SLC49A3: variants seen among roughly 807,000 people sequenced by gnomAD.
SLC49A3 encodes the protein solute carrier family 49 member A3.
SLC49A3 carries 50 observed loss-of-function variants against 43.8 expected under a neutral mutation model. The ratio of observed to expected loss-of-function variants is 1.14; its 90% confidence interval spans 0.91 to 1.45. SLC49A3 has a LOEUF of 1.45. SLC49A3 is among the 40% of genes most tolerant of loss of function. The pLI is 0.00. For synonymous variants in SLC49A3, 413 were observed against 352.0 expected (o/e 1.17, Z -1.94); for missense variants, 906 against 774.1 (o/e 1.17, Z -2.02).
downstream of SLC49A3, chr4:678,225 GC>G: frequency 6.7e-7 from 1 of 1,496,234 alleles, no homozygotes; most frequent in East Asian, 2.5e-5. Flanking sequence ...TGTGGGCTGT[GC>G]TGTGTTGTGG....
chr4:678,391 G>A (rs545728379), downstream of SLC49A3: 138 of 1,415,012 alleles, frequency 9.8e-5, 2 homozygotes, highest in East Asian at 1.2e-3. Flanking sequence ...GCTGGACGGC[G>A]ATCCCTGACC....
downstream of SLC49A3, chr4:678,274 C>T (rs894795382): frequency 3.6e-5 from 53 of 1,456,888 alleles, 1 homozygote; most frequent in African/African-American, 2.7e-4. Flanking sequence ...GGTGAGAGTC[C>T]GGAGCAGGAT....
At chr4:681,192 G>C, downstream of SLC49A3, 1 of 1,565,228 alleles carries the variant, frequency 6.4e-7, no homozygotes, top group South Asian at 1.2e-5. Flanking sequence ...CGGGGCTCCC[G>C]GGGTCAGCTG....
At chr4:678,874 C>A (rs542598674), downstream of SLC49A3, 4 of 1,606,542 alleles carry the variant, frequency 2.5e-6, no homozygotes, top group East Asian at 8.9e-5. Flanking sequence ...TATCCTCAGT[C>A]AGGGGTGCTG....
Position 686,672 on chromosome 4 carries a change from G to GTGCAAAGCTGAGCCACAGC in SLC49A3, c.136-1_153dup (p.Pro52AlafsTer10). The GTGCAAAGCTGAGCCACAGC allele has an allele frequency of 6.2e-7, 1 of 1,612,982 alleles. No homozygotes were observed. Among genetic ancestry groups the GTGCAAAGCTGAGCCACAGC allele is most frequent in the Non-Finnish European group, 8.5e-7 (1 of 1,179,870 alleles). Reference sequence around the variant, plus strand: ...TCCTCAGCAATGACGTCAGCCACAGGTGCAAAGCTGAGCCACAGCTGCAGG... The same window carrying GTGCAAAGCTGAGCCACAGC: ...TCCTCAGCAATGACGTCAGCCACAGGTGCAAAGCTGAGCCACAGCTGCAAAGCTGAGCCACAGCTGCAGG... On this transcript the variant is annotated frameshift_variant, in exon 2 of 10. Coordinates refer to ENST00000322224, the MANE Select transcript of SLC49A3 (RefSeq NM_032219.4). LOFTEE classifies it high-confidence loss of function.
chr4:681,148 C>G (rs1432662971), downstream of SLC49A3: 1 of 1,602,238 alleles, frequency 6.2e-7, no homozygotes, highest in South Asian at 1.1e-5. Context: ...GAGGTCTGGC[C>G]CGCGGCTTCC....
At chr4:684,321 A>G (rs113587297) in intron 6 of SLC49A3, among the ~76,000 whole-genome samples, 162 bp downstream of exon 6, 3,470 of 152,256 alleles carry the variant, frequency 0.023, 143 homozygotes, top group African/African-American at 0.08. Context: ...GCCTGTGGAC[A>G]TAATGTCACA....
Position 684,386 on chromosome 4 carries a change from A to G in SLC49A3, c.840+97T>C. 5 of 1,523,568 alleles carry G rather than the reference A, an allele frequency of 3.3e-6. No individual in the cohort carries two copies. In the South Asian group the frequency reaches 3.7e-5, roughly 11 times the overall value. The allele number at this position is 1,523,568 out of a possible 1,614,324, so 94.4% of individuals were successfully genotyped here. ...GAAGGGTGTCAATGTGGCCCCCGCC[A>G]GGGTCGGACACTGGGCACCCTGGAG... On this transcript the variant is annotated intron_variant, in intron 6 of 9. Transcript: ENST00000322224.
At chr4:677,775 T>C (rs1251168843), downstream of SLC49A3, 4 of 605,724 alleles carry the variant, frequency 6.6e-6, no homozygotes, top group South Asian at 2.0e-5. Flanking sequence ...GACAGGTGGA[T>C]GGGAGGTAGT....
chr4:683,663 C>G lies in SLC49A3; in HGVS notation c.939G>C (p.Glu313Asp). The stretch of plus-strand genomic sequence containing the variant: ...ACAGGCACAGGCCAATCTTGGTGGC[C>G]TCAGTGAAGTGCTTGGTCCGGTCCA... ...PYVDRTKHFT[E>D]ATKIGLCLFS... The change falls in exon 7 of 10, where the codon GAG becomes GAC. Residue 313 changes from glutamate (E) to aspartate (D), a missense_variant. Coordinates refer to ENST00000322224, the MANE Select transcript of SLC49A3 (RefSeq NM_032219.4). 1.2e-6 allele frequency: 2 copies of G among 1,611,754 alleles called. No homozygotes were observed. Among genetic ancestry groups the G allele is most frequent in the Middle Eastern group, 1.7e-4 (1 of 6,056 alleles).
At chr4:689,224 G>T (rs1205658626), upstream of SLC49A3, 1 of 779,584 alleles carries the variant, frequency 1.3e-6, no homozygotes, top group East Asian at 4.0e-5. Flanking sequence ...CGGAGGTGGG[G>T]CCGGGCCGGG....
In SLC49A3 at chr4:684,375, T is replaced by C. The variant is rs548777261; in HGVS notation, c.840+108A>G. On this transcript the variant is annotated intron_variant, in intron 6 of 9. Transcript: ENST00000322224. ...CCCACAGCACAGAAGGGTGTCAATG[T>C]GGCCCCCGCCAGGGTCGGACACTGG... 411 of 1,466,640 alleles carry C rather than the reference T, an allele frequency of 2.8e-4. 2 individuals carry two copies. The highest frequency in any genetic ancestry group is 6.9e-5 in the Non-Finnish European group (75 of 1,082,154). 90.9% of individuals were successfully genotyped at this position (1,466,640 alleles called of 1,614,324 possible). A position where few individuals can be genotyped will look rare whatever the true frequency, so the allele number is the denominator to read the frequency against.
chr4:680,312 AC>A (rs1416986183), downstream of SLC49A3, among the ~76,000 whole-genome samples: 2 of 151,574 alleles, frequency 1.3e-5, no homozygotes, highest in Non-Finnish European at 2.9e-5. Flanking sequence ...AACTCACTAC[AC>A]CCCAGGGCAG....
At chr4:691,599 A>G (rs972003504), upstream of SLC49A3, among the ~76,000 whole-genome samples, 3 of 151,976 alleles carry the variant, frequency 2.0e-5, no homozygotes, top group Middle Eastern at 3.2e-3. Context: ...TGTCACAAAA[A>G]AAAAACAAAA....
chr4:683,132 A>G (rs1167030870), intron 8 of SLC49A3, 78 bp downstream of exon 8: 4 of 1,578,118 alleles, frequency 2.5e-6, no homozygotes, highest in South Asian at 2.2e-5. Context: ...CCTGGACCAC[A>G]TGGTGCAACC....
chr4:680,580 A>G, downstream of SLC49A3: 3 of 1,612,812 alleles, frequency 1.9e-6, no homozygotes, highest in Non-Finnish European at 2.5e-6. Flanking sequence ...GAAAATCAAC[A>G]AGGAGTAGTG....
At chr4:678,652 C>T (rs1230912998), downstream of SLC49A3, 1 of 1,601,626 alleles carries the variant, frequency 6.2e-7, no homozygotes, top group African/African-American at 1.3e-5. Context: ...GGTGCTCCCA[C>T]CGCAGGCCAG....
chr4:683,820 C>T, intron 6 of SLC49A3, 59 bp from the exon 7 acceptor site: 1 of 1,516,108 alleles, frequency 6.6e-7, no homozygotes, highest in Non-Finnish European at 8.8e-7. Context: ...TAGGTGCATG[C>T]CGTCAGGGCA....
chr4:680,539 C>T (rs201436287), downstream of SLC49A3: 644 of 1,613,464 alleles, frequency 4.0e-4, 2 homozygotes, highest in Non-Finnish European at 4.8e-4. Context: ...ATTCTTAACG[C>T]CTTCAAGATG....
Sources: allele counts gnomAD v4.1 joint callset (sites outside exome capture counted in the v4.1 genomes callset), GRCh38; gene constraint gnomAD v4.1.1; transcripts MANE v1.5; gene names NCBI Gene and HGNC (gene_info 2026-07-23, HGNC 2026-07-21).